ARFGEF3: variants seen among roughly 807,000 people sequenced by gnomAD.
ARFGEF3 encodes the protein ARFGEF family member 3, also known as brefeldin A-inhibited guanine nucleotide-exchange protein 3.
In ARFGEF3, 96 loss-of-function variants were observed where a neutral mutation model predicts 221.7. The observed-to-expected ratio is 0.43, with a 90% CI of 0.37 to 0.51. The LOEUF is 0.51. ARFGEF3 is among the 20% of genes least tolerant of loss of function. ARFGEF3 has a pLI of 0.00. For missense variants in ARFGEF3, 2,410 were observed against 2,789.9 expected, an observed-to-expected ratio of 0.86 and a Z score of 3.07; for synonymous variants, 1,145 against 1,126.8, an observed-to-expected ratio of 1.02 and a Z score of -0.32.
chr6:138,318,621 A>T (rs1779968054), intron 27 of ARFGEF3, among the ~76,000 whole-genome samples: 1 of 152,226 alleles, frequency 6.6e-6, no homozygotes, highest in African/African-American at 2.4e-5. Context: ...ATACAAACAC[A>T]CATGCATTCC....
chr6:138,215,953 T>C (rs555266477), intron 4 of ARFGEF3: 1 of 149,140 alleles, frequency 6.7e-6, no homozygotes, highest in African/African-American at 2.5e-5. Flanking sequence ...CATTGGTTTT[T>C]TGGTTTTTTG....
chr6:138,202,318 C>T (rs1178372660), intron 2 of ARFGEF3, among the ~76,000 whole-genome samples: 3 of 152,088 alleles, frequency 2.0e-5, no homozygotes, highest in East Asian at 1.9e-4. Context: ...TTATAAATTT[C>T]GTCCTGAGAC....
intron 2 of ARFGEF3, among the ~76,000 whole-genome samples, 193 bp from the exon 3 acceptor site, chr6:138,206,849 G>A (rs1032253021): frequency 6.6e-6 from 1 of 152,198 alleles, no homozygotes. Context: ...AGAAGGCAAG[G>A]GGTTGATGGG....
intron 8 of ARFGEF3, among the ~76,000 whole-genome samples, chr6:138,249,406 T>C (rs533088178): frequency 1.3e-5 from 2 of 152,366 alleles, no homozygotes; most frequent in South Asian, 4.1e-4. Context: ...CTGGGCTCAC[T>C]GCAACTTCCA....
At chr6:138,324,276 A>C in intron 31 of ARFGEF3, 122 bp downstream of exon 31, 1 of 1,149,622 alleles carries the variant, frequency 8.7e-7, no homozygotes, top group Non-Finnish European at 1.2e-6. Context: ...TACACCTTGT[A>C]GCTCCCAACT....
chr6:138,279,679 C>T (rs1583046451), intron 13 of ARFGEF3, among the ~76,000 whole-genome samples: 1 of 152,218 alleles, frequency 6.6e-6, no homozygotes, highest in Admixed American at 6.5e-5. Context: ...TGTTGGGGCT[C>T]CTAGAAAAGG....
rs147146523 is a variant in ARFGEF3 at position 138,248,215 on chromosome 6, C to T, written c.665+2624C>T. 4.1e-4 allele frequency among the ~76,000 whole-genome samples: 62 copies of T among 152,224 alleles called. No individual in the cohort carries two copies. The East Asian group carries it at 0.012, about 28-fold the overall frequency. ...ATAGAGCCCTTTTAAAAAAGAAGACCTCTGTTCAGGCATGGCCGCTGATTG... is the reference window on the plus strand; with the variant it reads ...ATAGAGCCCTTTTAAAAAAGAAGACTTCTGTTCAGGCATGGCCGCTGATTG... On this transcript the variant is annotated intron_variant, in intron 8 of 33. Coordinates refer to ENST00000251691, the MANE Select transcript of ARFGEF3 (RefSeq NM_020340.5).
intron 18 of ARFGEF3, among the ~76,000 whole-genome samples, chr6:138,290,427 G>GAAACA (rs113544757): frequency 1.1e-4 from 16 of 152,210 alleles, no homozygotes; most frequent in Middle Eastern, 6.8e-3. Context: ...TAGCTAGACT[G>GAAACA]AAACAAAACA....
At chr6:138,229,753 G>A (rs773889684) in intron 4 of ARFGEF3, 31 bp from the exon 5 acceptor site, 1 of 1,564,174 alleles carries the variant, frequency 6.4e-7, no homozygotes, top group South Asian at 1.1e-5. Flanking sequence ...TTAACCCCTT[G>A]TCTCTTCTTT....
intron 22 of ARFGEF3, among the ~76,000 whole-genome samples, chr6:138,306,953 T>TAAA (rs71773390): frequency 8.8e-6 from 1 of 113,718 alleles, no homozygotes; most frequent in Non-Finnish European, 1.9e-5. Context: ...TAAGGAACTC[T>TAAA]AAAAAAAAAA....
chr6:138,261,419 A>G (rs547125029), intron 10 of ARFGEF3, 108 bp from the exon 11 acceptor site: 29 of 625,000 alleles, frequency 4.6e-5, no homozygotes, highest in South Asian at 1.7e-4. Flanking sequence ...TCCTTATACT[A>G]TATCACTCAG....
intron 29 of ARFGEF3, 101 bp from the exon 30 acceptor site, chr6:138,323,570 C>T (rs1780072711): frequency 2.0e-6 from 2 of 993,082 alleles, no homozygotes; most frequent in Non-Finnish European, 3.0e-6. Flanking sequence ...AAGATCATGC[C>T]AGTGCACTCC....
chr6:138,224,870 T>C (rs777542323), intron 4 of ARFGEF3, among the ~76,000 whole-genome samples: 1 of 152,252 alleles, frequency 6.6e-6, no homozygotes, highest in Non-Finnish European at 1.5e-5. Flanking sequence ...TTTTATATTA[T>C]GCAATTTGAG....
chr6:138,169,126 C>T (rs953739196), intron 1 of ARFGEF3, among the ~76,000 whole-genome samples: 3 of 152,164 alleles, frequency 2.0e-5, no homozygotes, highest in Non-Finnish European at 4.4e-5. Context: ...AGTGACCTGC[C>T]CCCATCCCAC....
At chr6:138,238,929 C>T (rs771534420) in intron 6 of ARFGEF3, among the ~76,000 whole-genome samples, 7 of 151,960 alleles carry the variant, frequency 4.6e-5, no homozygotes, top group Admixed American at 6.5e-5. Flanking sequence ...AGAAACATTG[C>T]GATACACTAA....
At position 138,336,321 on chromosome 6, in the gene ARFGEF3, T is replaced by TCTCAATC; in HGVS notation, c.6370_6376dup (p.Gln2126ProfsTer51). The TCTCAATC allele has an allele frequency of 6.3e-7, 1 of 1,599,568 alleles. No homozygotes were observed. Among genetic ancestry groups the TCTCAATC allele is most frequent in the Non-Finnish European group, 8.5e-7 (1 of 1,173,564 alleles). ...CATGGACCAACATGGTGCTAACAGTTCTCAATCAGATTCAGATTCTCCCAG... is the reference window on the plus strand; with the variant it reads ...CATGGACCAACATGGTGCTAACAGTTCTCAATCCTCAATCAGATTCAGATTCTCCCAG... On this transcript the variant is annotated frameshift_variant, in exon 34 of 34. Transcript: ENST00000251691. LOFTEE classifies it high-confidence loss of function.
chr6:138,275,742 T>C (rs1779084258), intron 12 of ARFGEF3, among the ~76,000 whole-genome samples: 1 of 143,830 alleles, frequency 7.0e-6, no homozygotes, highest in South Asian at 2.2e-4. Context: ...AGACTCTGAC[T>C]CAGGAAAAAA....
In ARFGEF3 at chr6:138,319,857, C is replaced by T; in HGVS notation, c.4629C>T (p.His1543=). ...IGLSCELVVE[H]IQSFLHSDIR... The stretch of plus-strand genomic sequence containing the variant: ...TGTCCTGTGAGCTGGTGGTGGAGCA[C>T]ATTCAAAGCTTTCTACATTCAGGTA... Residue 1543 remains histidine (H), a synonymous_variant, in exon 28 of 34, where the codon CAC becomes CAT. Coordinates refer to ENST00000251691, the MANE Select transcript of ARFGEF3 (RefSeq NM_020340.5). 1 of 1,613,924 alleles carries T rather than the reference C, an allele frequency of 6.2e-7. No homozygotes were observed. Among genetic ancestry groups the T allele is most frequent in the South Asian group, 1.1e-5 (1 of 91,052 alleles).
At chr6:138,194,821 G>C (rs1777379040) in intron 2 of ARFGEF3, among the ~76,000 whole-genome samples, 1 of 151,972 alleles carries the variant, frequency 6.6e-6, no homozygotes, top group African/African-American at 2.4e-5. Context: ...AATTGGAAAG[G>C]GTGGTGACTG....
Sources: allele counts gnomAD v4.1 joint callset (sites outside exome capture counted in the v4.1 genomes callset), GRCh38; gene constraint gnomAD v4.1.1; transcripts MANE v1.5; gene names NCBI Gene and HGNC (gene_info 2026-07-23, HGNC 2026-07-21).